FBXL4: variants seen among roughly 807,000 people sequenced by gnomAD.
FBXL4 encodes the protein F-box and leucine rich repeat protein 4, also known as F-box/LRR-repeat protein 4.
A neutral mutation model predicts 58.9 loss-of-function variants in FBXL4; 40 were observed. The ratio of observed to expected loss-of-function variants is 0.68; its 90% CI spans 0.53 to 0.88. FBXL4 has a LOEUF of 0.88. FBXL4 is among the 40% of genes least tolerant of loss of function. The pLI is 0.00. For missense variants in FBXL4, 676 were observed against 734.4 expected, an observed-to-expected ratio of 0.92 and a Z score of 0.92; for synonymous variants, 263 against 265.5, an observed-to-expected ratio of 0.99 and a Z score of 0.09.
chr6:98,907,289 G>T (rs954342325), intron 5 of FBXL4, among the ~76,000 whole-genome samples: 1 of 152,188 alleles, frequency 6.6e-6, no homozygotes, highest in African/African-American at 2.4e-5. Flanking sequence ...TAAACTAGGG[G>T]TTTTAAACTA....
At chr6:98,914,852 T>C (rs1772269716) in intron 5 of FBXL4, among the ~76,000 whole-genome samples, 1 of 152,186 alleles carries the variant, frequency 6.6e-6, no homozygotes, top group Non-Finnish European at 1.5e-5. Context: ...TAAAGGGTAT[T>C]CAATTAGGAA....
At chr6:98,895,169 T>C (rs756506806) in intron 7 of FBXL4, among the ~76,000 whole-genome samples, 6 of 152,240 alleles carry the variant, frequency 3.9e-5, no homozygotes, top group Non-Finnish European at 7.3e-5. Context: ...AGTAGGCCTA[T>C]ATAAACTACT....
intron 7 of FBXL4, among the ~76,000 whole-genome samples, chr6:98,896,181 G>A (rs1051517803): frequency 3.3e-5 from 5 of 152,106 alleles, no homozygotes; most frequent in African/African-American, 1.2e-4. Flanking sequence ...TGATTTTGTG[G>A]AACATTTAAA....
intron 8 of FBXL4, among the ~76,000 whole-genome samples, chr6:98,878,756 G>C (rs1367678853): frequency 6.6e-6 from 1 of 152,024 alleles, no homozygotes; most frequent in African/African-American, 2.4e-5. Flanking sequence ...TCTAAGCAAA[G>C]TTAAATGGTC....
intron 4 of FBXL4, among the ~76,000 whole-genome samples, chr6:98,924,531 T>C (rs1302893004): frequency 2.0e-5 from 3 of 152,286 alleles, no homozygotes; most frequent in East Asian, 1.9e-4. Flanking sequence ...CACTCCAGCC[T>C]GGGCGACAGA....
chr6:98,892,095 C>A (rs1353781785), intron 7 of FBXL4, among the ~76,000 whole-genome samples: 1 of 152,140 alleles, frequency 6.6e-6, no homozygotes, highest in Admixed American at 6.6e-5. Flanking sequence ...AGCCTAGAGA[C>A]ACATACCAAG....
At chr6:98,914,737 C>T (rs980730811) in intron 5 of FBXL4, among the ~76,000 whole-genome samples, 5 of 152,208 alleles carry the variant, frequency 3.3e-5, no homozygotes, top group African/African-American at 1.2e-4. Flanking sequence ...AAACTGGAAG[C>T]ATTCCCTTTG....
At position 98,872,260 on chromosome 6, in the gene FBXL4, G is replaced by A. The variant is rs1355472393; in HGVS notation, c.*2018C>T. 1 of 152,200 alleles carries A rather than the reference G, an allele frequency of 6.6e-6. No individual in the cohort carries two copies. The highest frequency in any genetic ancestry group is 1.5e-5 in the Non-Finnish European group (1 of 68,036). The allele number at this position is 152,200 out of a possible 1,614,324, so 9.4% of individuals were successfully genotyped here. ...TTCTGCCTAGTCTTCAATTGGAAGTGATTAAGCTGCAATGTAATAACATGC... is the reference window on the plus strand; with the variant it reads ...TTCTGCCTAGTCTTCAATTGGAAGTAATTAAGCTGCAATGTAATAACATGC... On this transcript the variant is annotated 3_prime_UTR_variant, in exon 10 of 10. Transcript: ENST00000369244.
In FBXL4 at chr6:98,913,637, A is replaced by G. The variant is rs1425556724; in HGVS notation, c.858+3737T>C. On this transcript the variant is annotated intron_variant, in intron 5 of 9. Transcript: ENST00000369244. ...ACCAATAAGAACAAAGACACAACAT[A>G]CCAGAATCTCTGGGATGCATTCAAA... 3.9e-5 allele frequency among the ~76,000 whole-genome samples: 6 copies of G among 152,356 alleles called. No individual in the cohort carries two copies. The East Asian group carries it at 7.7e-4, about 20-fold the overall frequency.
chr6:98,880,456 G>GGT, intron 8 of FBXL4, 97 bp downstream of exon 8: 2 of 912,266 alleles, frequency 2.2e-6, no homozygotes, highest in South Asian at 2.8e-5. Flanking sequence ...AAAAACTGTG[G>GGT]GTGTGTGTGG....
Position 98,868,709 on chromosome 6 carries a change from TTATCTGA to T in FBXL4, c.*5562_*5568del, listed in dbSNP as rs1224654623. The T allele has an allele frequency of 6.6e-6, 1 of 152,220 alleles. No homozygotes were observed. The highest frequency in any genetic ancestry group is 1.5e-5 in the Non-Finnish European group (1 of 68,034). The allele number at this position is 152,220 out of a possible 1,614,324, so 9.4% of individuals were successfully genotyped here. On this transcript the variant is annotated 3_prime_UTR_variant, in exon 10 of 10. Coordinates refer to ENST00000369244, the MANE Select transcript of FBXL4 (RefSeq NM_001278716.2). The stretch of plus-strand genomic sequence containing the variant: ...TTATCTTTAGTGTATTCTACTCTAT[TTATCTGA>T]TACGACTATTTTGCTTTTAAATGTT...
At chr6:98,880,332 C>T (rs530871339) in intron 8 of FBXL4, among the ~76,000 whole-genome samples, 1 of 152,308 alleles carries the variant, frequency 6.6e-6, no homozygotes, top group South Asian at 2.1e-4. Flanking sequence ...TTCCACCACA[C>T]TATACTTCTT....
chr6:98,896,741 A>G (rs1771424490), intron 7 of FBXL4: 4 of 908,492 alleles, frequency 4.4e-6, no homozygotes, highest in Non-Finnish European at 5.3e-6. Flanking sequence ...AGAGGGTACA[A>G]CCTAAATTTT....
At chr6:98,912,130 A>G (rs1160840008) in intron 5 of FBXL4, among the ~76,000 whole-genome samples, 9 of 152,230 alleles carry the variant, frequency 5.9e-5, no homozygotes, top group Admixed American at 5.9e-4. Context: ...TAGAGAAAAA[A>G]GAATAAAAAG....
chr6:98,917,020 C>G (rs1359881413), intron 5 of FBXL4, among the ~76,000 whole-genome samples: 1 of 152,028 alleles, frequency 6.6e-6, no homozygotes, highest in East Asian at 1.9e-4. Context: ...AGCAAATCAT[C>G]TTTAACATAA....
chr6:98,944,336 CAA>C (rs1288168811), intron 1 of FBXL4, among the ~76,000 whole-genome samples: 2 of 152,082 alleles, frequency 1.3e-5, no homozygotes, highest in Admixed American at 6.6e-5. Flanking sequence ...TTAATAGCCA[CAA>C]TATGTAAAGA....
intron 5 of FBXL4, 97 bp downstream of exon 5, chr6:98,917,277 C>G: frequency 1.2e-6 from 1 of 812,712 alleles, no homozygotes; most frequent in South Asian, 2.5e-5. Flanking sequence ...TATAACTTAC[C>G]AATGCTCAAT....
Position 98,898,458 on chromosome 6 carries a change from A to T in FBXL4, c.1317+810T>A. 3 of 982,428 alleles carry T rather than the reference A, an allele frequency of 3.1e-6. No homozygotes were observed. In the East Asian group the frequency reaches 3.4e-4, roughly 112 times the overall value. The allele number at this position is 982,428 out of a possible 1,614,324, so 60.9% of individuals were successfully genotyped here. A position where few individuals can be genotyped will look rare whatever the true frequency, so the allele number is the denominator to read the frequency against. ...CGTCTCTACTAAAAATACAAAAATT[A>T]GCTGGGCATGGTGGCACGTGCCTGT... is the stretch of plus-strand genomic sequence containing the variant. On this transcript the variant is annotated intron_variant, in intron 7 of 9. Coordinates refer to ENST00000369244, the MANE Select transcript of FBXL4 (RefSeq NM_001278716.2).
At chr6:98,913,867 T>A (rs996890204) in intron 5 of FBXL4, among the ~76,000 whole-genome samples, 1 of 152,098 alleles carries the variant, frequency 6.6e-6, no homozygotes. Flanking sequence ...AAAAAATTAA[T>A]GAATCCAGAA....
Sources: allele counts gnomAD v4.1 joint callset (sites outside exome capture counted in the v4.1 genomes callset), GRCh38; gene constraint gnomAD v4.1.1; transcripts MANE v1.5; gene names NCBI Gene and HGNC (gene_info 2026-07-23, HGNC 2026-07-21).